Variants in SLIT3 observed in about 807,000 individuals in gnomAD.
The protein encoded by SLIT3 is slit homolog 3 protein.
Under a neutral mutation model 184.0 loss-of-function variants are expected in SLIT3, and 68 were observed. The observed-to-expected ratio is 0.37, with a 90% CI of 0.30 to 0.45. The LOEUF (loss-of-function observed/expected upper bound fraction) is 0.45. SLIT3 is among the 20% of genes least tolerant of loss of function. The pLI, the probability that SLIT3 is intolerant of heterozygous loss-of-function variation, is 1.00. For synonymous variants in SLIT3, 831 were observed against 828.6 expected, an observed-to-expected ratio of 1.00 and a Z score of -0.05; for missense variants, 1,707 against 2,026.0, an observed-to-expected ratio of 0.84 and a Z score of 3.02.
chr5:169,229,343 G>A (rs1251858272), intron 3 of SLIT3, among the ~76,000 whole-genome samples: 5 of 152,136 alleles, frequency 3.3e-5, no homozygotes, highest in Non-Finnish European at 7.4e-5. Context: ...ATTAATGTGG[G>A]CTTACCCACT....
intron 5 of SLIT3, among the ~76,000 whole-genome samples, chr5:168,868,258 C>G (rs1581161307): frequency 6.6e-6 from 1 of 152,134 alleles, no homozygotes; most frequent in Non-Finnish European, 1.5e-5. Flanking sequence ...GTGCCAGGCT[C>G]TACTGAATAA....
chr5:168,976,285 C>T (rs991435169), intron 4 of SLIT3, among the ~76,000 whole-genome samples: 1 of 152,216 alleles, frequency 6.6e-6, no homozygotes, highest in Non-Finnish European at 1.5e-5. Context: ...TTGCAAACTA[C>T]AGGTCACTGA....
At chr5:168,955,229 C>T (rs2113258997) in intron 4 of SLIT3, among the ~76,000 whole-genome samples, 1 of 152,292 alleles carries the variant, frequency 6.6e-6, no homozygotes, top group East Asian at 1.9e-4. Context: ...TAGACTAATA[C>T]AAAGGCTGCC....
chr5:168,984,058 T>C (rs1755040788), intron 4 of SLIT3, among the ~76,000 whole-genome samples: 1 of 148,328 alleles, frequency 6.7e-6, no homozygotes, highest in South Asian at 2.1e-4. Context: ...TCAAAATATA[T>C]ATATATTTTT....
At chr5:168,818,116 A>C (rs1757398984) in intron 7 of SLIT3, among the ~76,000 whole-genome samples, 5 of 152,126 alleles carry the variant, frequency 3.3e-5, no homozygotes, top group Admixed American at 3.3e-4. Context: ...TGTCTGTACC[A>C]GACTCTTGCA....
At chr5:169,245,615 T>C (rs980655305) in intron 2 of SLIT3, among the ~76,000 whole-genome samples, 2 of 152,000 alleles carry the variant, frequency 1.3e-5, no homozygotes, top group Non-Finnish European at 2.9e-5. Context: ...GGGGATGCAA[T>C]TGTGATTGGA....
chr5:169,231,772 CA>C (rs1581082991), intron 3 of SLIT3, among the ~76,000 whole-genome samples: 4 of 152,248 alleles, frequency 2.6e-5, no homozygotes, highest in Admixed American at 2.0e-4. Flanking sequence ...GTAACTGTAT[CA>C]ATAACTCCCG....
intron 23 of SLIT3, among the ~76,000 whole-genome samples, chr5:168,715,283 T>G (rs1334905245): frequency 1.3e-5 from 2 of 152,266 alleles, no homozygotes; most frequent in Non-Finnish European, 2.9e-5. Context: ...TAACTACATA[T>G]AGTAGACATT....
At chr5:169,198,163 T>C (rs1316136065) in intron 3 of SLIT3, among the ~76,000 whole-genome samples, 1 of 152,212 alleles carries the variant, frequency 6.6e-6, no homozygotes, top group Non-Finnish European at 1.5e-5. Flanking sequence ...CAAAAATGAA[T>C]AAGATACAGC....
intron 32 of SLIT3, among the ~76,000 whole-genome samples, chr5:168,677,773 C>T (rs1035515249): frequency 1.3e-5 from 2 of 152,296 alleles, no homozygotes; most frequent in African/African-American, 2.4e-5. Context: ...ATGGGCAATA[C>T]GTGGCCTGTG....
intron 4 of SLIT3, among the ~76,000 whole-genome samples, chr5:169,156,026 T>C (rs1762293625): frequency 6.6e-6 from 1 of 152,212 alleles, no homozygotes; most frequent in African/African-American, 2.4e-5. Flanking sequence ...TCTTCAAAGG[T>C]TCCACAGAAA....
chr5:168,739,103 G>A (rs916377853), intron 20 of SLIT3, among the ~76,000 whole-genome samples: 1 of 152,136 alleles, frequency 6.6e-6, no homozygotes, highest in African/African-American at 2.4e-5. Flanking sequence ...GATATCAAAG[G>A]ACATTATTTA....
At chr5:168,765,925 G>A (rs145246225) in intron 14 of SLIT3, among the ~76,000 whole-genome samples, 5 of 151,088 alleles carry the variant, frequency 3.3e-5, no homozygotes, top group South Asian at 2.1e-4. Flanking sequence ...TTTAATAGAC[G>A]GGGGGGTGGG....
chr5:169,279,980 T>C (rs1459445310), intron 1 of SLIT3, among the ~76,000 whole-genome samples: 1 of 152,248 alleles, frequency 6.6e-6, no homozygotes, highest in Non-Finnish European at 1.5e-5. Flanking sequence ...CAAAAATCCT[T>C]GGCAATCATC....
intron 19 of SLIT3, 143 bp downstream of exon 19, chr5:168,749,329 A>ATCTGCAGAGC (rs1754614085): frequency 7.9e-6 from 7 of 888,150 alleles, no homozygotes; most frequent in Non-Finnish European, 1.2e-5. Flanking sequence ...CTAGTAGCAG[A>ATCTGCAGAGC]TCTGCAGAGC....
intron 1 of SLIT3, among the ~76,000 whole-genome samples, chr5:169,270,320 A>T (rs956817115): frequency 5.3e-5 from 8 of 152,226 alleles, no homozygotes; most frequent in African/African-American, 1.9e-4. Context: ...CCGCACACCA[A>T]GACAGGGGTC....
chr5:169,228,237 C>T (rs780913112), intron 3 of SLIT3, among the ~76,000 whole-genome samples: 9 of 152,014 alleles, frequency 5.9e-5, no homozygotes, highest in Non-Finnish European at 1.0e-4. Context: ...TGCTGAAGAG[C>T]GACTGTGGGA....
intron 28 of SLIT3, 83 bp downstream of exon 28, chr5:168,696,209 G>A (rs984711562): frequency 6.0e-6 from 9 of 1,511,684 alleles, no homozygotes; most frequent in African/African-American, 1.4e-5. Flanking sequence ...GAGAGAGGAA[G>A]AGAGTCCCTG....
chr5:168,814,800 G>A (rs1757277815), intron 8 of SLIT3, among the ~76,000 whole-genome samples: 1 of 152,236 alleles, frequency 6.6e-6, no homozygotes, highest in Non-Finnish European at 1.5e-5. Flanking sequence ...AATAGCAGAA[G>A]TCTTTGGAGG....
Sources: gnomAD v4.1 joint callset for allele counts (sites outside exome capture counted in the v4.1 genomes callset) on GRCh38, gnomAD v4.1.1 for gene constraint, MANE v1.5 for transcripts, NCBI Gene and HGNC (gene_info 2026-07-23, HGNC 2026-07-21) for gene names.